The following ANK3 variants were observed in gnomAD, a reference collection of about 807,000 sequenced individuals.
ANK3 encodes ankyrin-3.
In ANK3, 57 loss-of-function variants were observed where a neutral mutation model predicts 370.9. The observed-to-expected ratio is 0.15, with a 90% CI of 0.12 to 0.19. The LOEUF (loss-of-function observed/expected upper bound fraction) is 0.19. Ranked by LOEUF, ANK3 falls within the 10% of genes least tolerant of loss-of-function variation. The pLI is 1.00. For synonymous variants in ANK3, 1,929 were observed against 1,946.3 expected (o/e 0.99, Z 0.23); for missense variants, 4,439 against 5,302.1 (o/e 0.84, Z 5.06).
In ANK3 at chr10:60,213,349, G is replaced by A. The variant is rs546806233; in HGVS notation, c.996+63C>T. On this transcript the variant is annotated intron_variant, in intron 9 of 43. Transcript: ENST00000280772. ...TGTCATTTTCTATGTGATTCAAAAGGCTAGATCATATAACCATCAAAATAA... is the reference window on the plus strand; with the variant it reads ...TGTCATTTTCTATGTGATTCAAAAGACTAGATCATATAACCATCAAAATAA... 53 of 1,138,694 alleles carry A rather than the reference G, an allele frequency of 4.7e-5. 1 individual carries two copies. The African/African-American group carries it at 6.4e-4, about 14-fold the overall frequency. The allele number at this position is 1,138,694 out of a possible 1,614,324, so 70.5% of individuals were successfully genotyped here.
At chr10:60,190,865 T>C (rs535372834) in intron 16 of ANK3, among the ~76,000 whole-genome samples, 1 of 152,108 alleles carries the variant, frequency 6.6e-6, no homozygotes, top group South Asian at 2.1e-4. Context: ...CAAAACAGCA[T>C]GGCACTGGTA....
intron 1 of ANK3, among the ~76,000 whole-genome samples, chr10:60,643,035 A>T (rs1360232890): frequency 6.6e-6 from 1 of 152,288 alleles, no homozygotes; most frequent in East Asian, 1.9e-4. Context: ...TTTTTCAATA[A>T]GCACATACTC....
intron 1 of ANK3, among the ~76,000 whole-genome samples, chr10:60,731,179 T>C (rs2080017226): frequency 1.3e-5 from 2 of 152,176 alleles, no homozygotes; most frequent in Non-Finnish European, 2.9e-5. Context: ...AACATATTAT[T>C]CTAGAGTTAG....
chr10:60,195,476 C>G (rs2096572828), intron 16 of ANK3, among the ~76,000 whole-genome samples: 1 of 151,670 alleles, frequency 6.6e-6, no homozygotes, highest in Non-Finnish European at 1.5e-5. Context: ...CTGAACAACA[C>G]TGAAATGGTT....
chr10:60,156,144 G>A (rs974352776), intron 23 of ANK3, among the ~76,000 whole-genome samples: 3 of 152,220 alleles, frequency 2.0e-5, no homozygotes, highest in Admixed American at 6.5e-5. Flanking sequence ...GGCCAAGGGT[G>A]TGCCTGTGTC....
chr10:60,720,888 C>A (rs1466538558), intron 1 of ANK3, among the ~76,000 whole-genome samples: 1 of 152,188 alleles, frequency 6.6e-6, no homozygotes, highest in African/African-American at 2.4e-5. Flanking sequence ...GCCGGGATTA[C>A]AGGCATGGGA....
At chr10:60,640,922 A>G (rs2078623236) in intron 1 of ANK3, among the ~76,000 whole-genome samples, 1 of 53,628 alleles carries the variant, frequency 1.9e-5, no homozygotes, top group African/African-American at 5.9e-5. Flanking sequence ...CCTTAAGCTG[A>G]TAAGCAAAGT....
chr10:60,410,648 G>A (rs905869833), intron 2 of ANK3, among the ~76,000 whole-genome samples: 5 of 152,036 alleles, frequency 3.3e-5, no homozygotes, highest in African/African-American at 1.2e-4. Context: ...CTCCAGGCCT[G>A]GTCCTTAAAA....
chr10:60,295,276 CT>C (rs1381034026), intron 1 of ANK3, among the ~76,000 whole-genome samples: 1 of 152,118 alleles, frequency 6.6e-6, no homozygotes, highest in Non-Finnish European at 1.5e-5. Flanking sequence ...AAGGATGTGA[CT>C]TTGGCCAAGA....
chr10:60,396,099 C>A (rs2063233096), intron 2 of ANK3, among the ~76,000 whole-genome samples: 1 of 152,114 alleles, frequency 6.6e-6, no homozygotes, highest in African/African-American at 2.4e-5. Flanking sequence ...GGGAATGAAG[C>A]CGATAAGATC....
At chr10:60,472,110 C>T (rs567348543) in intron 2 of ANK3, among the ~76,000 whole-genome samples, 2 of 152,176 alleles carry the variant, frequency 1.3e-5, no homozygotes, top group East Asian at 1.9e-4. Flanking sequence ...AAGCTTATGA[C>T]AAATGTCAAG....
At chr10:60,502,379 A>C (rs900144172) in intron 2 of ANK3, among the ~76,000 whole-genome samples, 12 of 152,226 alleles carry the variant, frequency 7.9e-5, no homozygotes, top group African/African-American at 2.9e-4. Context: ...CCAGTGCTGG[A>C]CAGACCTGAG....
chr10:60,181,745 G>A (rs937337090), intron 17 of ANK3, among the ~76,000 whole-genome samples: 3 of 152,062 alleles, frequency 2.0e-5, no homozygotes, highest in Admixed American at 6.6e-5. Context: ...GGTGGAGGTT[G>A]CAGTGAGTTG....
chr10:60,343,633 T>C (rs2054754992), intron 1 of ANK3, among the ~76,000 whole-genome samples: 2 of 152,196 alleles, frequency 1.3e-5, no homozygotes, highest in Admixed American at 1.3e-4. Context: ...AAATGGCTCC[T>C]CTGAGGAGTG....
At chr10:60,726,726 T>C (rs2079946767) in intron 1 of ANK3, among the ~76,000 whole-genome samples, 1 of 152,138 alleles carries the variant, frequency 6.6e-6, no homozygotes, top group African/African-American at 2.4e-5. Context: ...GTGGTGGTGG[T>C]TGTACAACTC....
At chr10:60,100,172 T>A (rs868134536) in intron 28 of ANK3, among the ~76,000 whole-genome samples, 5 of 150,482 alleles carry the variant, frequency 3.3e-5, no homozygotes, top group Non-Finnish European at 7.4e-5. Context: ...ACGATGGACA[T>A]CATTCAATTG....
At chr10:60,036,428 T>C (rs2074998937) in intron 43 of ANK3, among the ~76,000 whole-genome samples, 1 of 65,938 alleles carries the variant, frequency 1.5e-5, no homozygotes, top group African/African-American at 5.7e-5. Context: ...GGCAATTTTT[T>C]TTTTTTTTTT....
intron 11 of ANK3, among the ~76,000 whole-genome samples, chr10:60,205,410 G>A (rs2096746836): frequency 6.6e-6 from 1 of 152,162 alleles, no homozygotes; most frequent in Non-Finnish European, 1.5e-5. Flanking sequence ...GAGACCAGTA[G>A]TACTATCCAG....
chr10:60,067,110 G>C (rs1180989376), intron 38 of ANK3, among the ~76,000 whole-genome samples: 2 of 152,092 alleles, frequency 1.3e-5, no homozygotes, highest in African/African-American at 4.8e-5. Context: ...AGTAGAGACA[G>C]GGTTTCACCA....
Sources: allele counts gnomAD v4.1 joint callset (sites outside exome capture counted in the v4.1 genomes callset), GRCh38; gene constraint gnomAD v4.1.1; transcripts MANE v1.5; gene names NCBI Gene and HGNC (gene_info 2026-07-23, HGNC 2026-07-21).